The following MAP3K2 variants were observed in gnomAD, a reference collection of about 807,000 sequenced individuals.
MAP3K2 encodes the protein mitogen-activated protein kinase kinase kinase 2.
A neutral mutation model predicts 80.3 loss-of-function variants in MAP3K2; 24 were observed. The ratio of observed to expected loss-of-function variants is 0.30; its 90% CI spans 0.22 to 0.42. The LOEUF (loss-of-function observed/expected upper bound fraction) is 0.42, where lower values mean the gene tolerates loss of function less well. Among genes scored for constraint, MAP3K2 ranks in the 10% least tolerant of loss-of-function variants. The pLI is 1.00. For missense variants in MAP3K2, 608 were observed against 750.1 expected (o/e 0.81, Z 2.21); for synonymous variants, 244 against 253.7 (o/e 0.96, Z 0.36).
intron 1 of MAP3K2, among the ~76,000 whole-genome samples, chr2:127,375,847 C>G (rs1687142795): frequency 1.3e-5 from 2 of 152,090 alleles, no homozygotes; most frequent in Admixed American, 1.3e-4. Context: ...AGTGGGGTTC[C>G]TTAGTAACAG....
chr2:127,331,023 A>C (rs953591518), intron 5 of MAP3K2, among the ~76,000 whole-genome samples: 1 of 152,150 alleles, frequency 6.6e-6, no homozygotes, highest in Non-Finnish European at 1.5e-5. Context: ...ACATATCTGC[A>C]ATCTACAGCC....
rs1687399374 is a variant in MAP3K2 at position 127,387,807 on chromosome 2, C to A, written c.-421G>T. ...GCGTCGCTAGAGACCGGAGAAGAGG[C>A]GGGAGTGGCGACTCTGCGGACAGGG... On this transcript the variant is annotated 5_prime_UTR_variant, in exon 1 of 17. Transcript: ENST00000682094. 7 of 985,160 alleles carry A rather than the reference C, an allele frequency of 7.1e-6. No individual in the cohort carries two copies. Among genetic ancestry groups the A allele is most frequent in the Non-Finnish European group, 8.4e-6 (7 of 829,796 alleles). The allele number at this position is 985,160 out of a possible 1,614,324, so 61.0% of individuals were successfully genotyped here. A position where few individuals can be genotyped will look rare whatever the true frequency, so the allele number is the denominator to read the frequency against.
intron 1 of MAP3K2, among the ~76,000 whole-genome samples, chr2:127,370,779 G>A (rs1259071654): frequency 6.6e-6 from 1 of 152,158 alleles, no homozygotes; most frequent in Non-Finnish European, 1.5e-5. Context: ...GGCAGCTCTG[G>A]CCCCGTTATA....
chr2:127,368,563 AG>A (rs568100259), intron 1 of MAP3K2, among the ~76,000 whole-genome samples: 194 of 152,202 alleles, frequency 1.3e-3, no homozygotes, highest in Admixed American at 3.9e-3. Flanking sequence ...TGGAGGTTGC[AG>A]TGAGCCCAGA....
intron 1 of MAP3K2, among the ~76,000 whole-genome samples, chr2:127,361,849 G>A (rs549498193): frequency 6.6e-6 from 1 of 152,224 alleles, no homozygotes; most frequent in African/African-American, 2.4e-5. Flanking sequence ...GGTGACTCTC[G>A]GCTATTACAA....
intron 1 of MAP3K2, among the ~76,000 whole-genome samples, chr2:127,383,945 C>T (rs1687298231): frequency 6.7e-6 from 1 of 150,028 alleles, no homozygotes; most frequent in Non-Finnish European, 1.5e-5. Flanking sequence ...GCCATCTCTG[C>T]TCACCGCAAG....
intron 9 of MAP3K2, among the ~76,000 whole-genome samples, chr2:127,325,276 C>T (rs959513182): frequency 2.0e-5 from 3 of 152,102 alleles, no homozygotes; most frequent in Non-Finnish European, 2.9e-5. Context: ...ATTCATCTGC[C>T]GTCATCATAC....
chr2:127,301,971 CA>C lies in MAP3K2; in HGVS notation c.*5607del, dbSNP rs1573972184. On this transcript the variant is annotated 3_prime_UTR_variant, in exon 17 of 17. Coordinates refer to ENST00000682094, the MANE Select transcript of MAP3K2 (RefSeq NM_001371910.2). ...TCCAAACCATGGCAGAAGTCAAAGC[CA>C]AGCCAAAGACAACTATAAGTAGGAA... 3 of 152,216 alleles carry C rather than the reference CA, an allele frequency of 2.0e-5. No homozygotes were observed. In the East Asian group the frequency reaches 5.8e-4, roughly 29 times the overall value. 9.4% of individuals were successfully genotyped at this position (152,216 alleles called of 1,614,324 possible).
At chr2:127,350,515 TAAATC>T (rs1211584299) in intron 1 of MAP3K2, among the ~76,000 whole-genome samples, 1 of 118,710 alleles carries the variant, frequency 8.4e-6, no homozygotes, top group Non-Finnish European at 1.9e-5. Context: ...GATAAACAAA[TAAATC>T]AACAATGGGA....
chr2:127,362,867 T>G (rs1160693936), intron 1 of MAP3K2, among the ~76,000 whole-genome samples: 1 of 152,238 alleles, frequency 6.6e-6, no homozygotes, highest in Non-Finnish European at 1.5e-5. Flanking sequence ...GTTCAGAATT[T>G]GAGCCCAATC....
intron 1 of MAP3K2, among the ~76,000 whole-genome samples, chr2:127,371,536 CTT>C (rs1380630557): frequency 6.6e-6 from 1 of 152,184 alleles, no homozygotes; most frequent in South Asian, 2.1e-4. Flanking sequence ...GGACTGATAT[CTT>C]GTTACAATTG....
chr2:127,333,686 CA>C (rs1485430864), intron 5 of MAP3K2, among the ~76,000 whole-genome samples: 2 of 152,124 alleles, frequency 1.3e-5, no homozygotes, highest in Non-Finnish European at 2.9e-5. Flanking sequence ...ACATTCCTGC[CA>C]AGAGGCCACC....
At chr2:127,355,270 T>C (rs927232955) in intron 1 of MAP3K2, among the ~76,000 whole-genome samples, 1 of 152,064 alleles carries the variant, frequency 6.6e-6, no homozygotes, top group Non-Finnish European at 1.5e-5. Context: ...AAAAAACACA[T>C]TATACACACA....
In MAP3K2 at chr2:127,348,903, T is replaced by C. The variant is rs573693618; in HGVS notation, c.-65-5709A>G. ...AGTTCGGGCTCAGTATTATCAGATA[T>C]GCTGGTTTTTCAAAAAGCCCTAATC... On this transcript the variant is annotated intron_variant, in intron 1 of 16. Coordinates refer to ENST00000682094, the MANE Select transcript of MAP3K2 (RefSeq NM_001371910.2). 2.0e-5 allele frequency among the ~76,000 whole-genome samples: 3 copies of C among 152,262 alleles called. No individual in the cohort carries two copies. In the East Asian group the frequency reaches 5.8e-4, roughly 29 times the overall value.
intron 5 of MAP3K2, among the ~76,000 whole-genome samples, chr2:127,332,811 T>C (rs1248172809): frequency 6.6e-6 from 1 of 152,090 alleles, no homozygotes; most frequent in Non-Finnish European, 1.5e-5. Flanking sequence ...TGAATTTACA[T>C]AGTGAAGTAT....
chr2:127,387,379 GC>G (rs973391767), intron 1 of MAP3K2, 72 bp downstream of exon 1: 1,093 of 57,218 alleles, frequency 0.019, 6 homozygotes, highest in Admixed American at 0.026. Context: ...CCAGCCCGCG[GC>G]CCCCGACACA....
chr2:127,387,605 G>A lies in MAP3K2; in HGVS notation c.-219C>T. On this transcript the variant is annotated 5_prime_UTR_variant, in exon 1 of 17. Coordinates refer to ENST00000682094, the MANE Select transcript of MAP3K2 (RefSeq NM_001371910.2). ...GACCGGAGGGGCGCGCGAGGAGTCG[G>A]GCGCGGGCCTTGGGGCCAGGCCCGT... is the stretch of plus-strand genomic sequence containing the variant. 1 of 984,996 alleles carries A rather than the reference G, an allele frequency of 1.0e-6. No homozygotes were observed. Among genetic ancestry groups the A allele is most frequent in the Non-Finnish European group, 1.2e-6 (1 of 829,772 alleles). 61.0% of individuals were successfully genotyped at this position (984,996 alleles called of 1,614,324 possible). A position where few individuals can be genotyped will look rare whatever the true frequency, so the allele number is the denominator to read the frequency against.
chr2:127,341,531 T>G (rs1332281385), intron 2 of MAP3K2, among the ~76,000 whole-genome samples: 22 of 18,412 alleles, frequency 1.2e-3, no homozygotes, highest in East Asian at 1.3e-3. Flanking sequence ...TTTTTTGTTG[T>G]TTTTTTTTTT....
intron 2 of MAP3K2, among the ~76,000 whole-genome samples, chr2:127,340,517 C>A (rs1457446443): frequency 6.6e-6 from 1 of 152,086 alleles, no homozygotes; most frequent in Non-Finnish European, 1.5e-5. Flanking sequence ...ATTAGCCAGG[C>A]ATGGTGGCAG....
Sources: allele counts gnomAD v4.1 joint callset (sites outside exome capture counted in the v4.1 genomes callset), GRCh38; gene constraint gnomAD v4.1.1; transcripts MANE v1.5; gene names NCBI Gene and HGNC (gene_info 2026-07-23, HGNC 2026-07-21).